Variants in ITPR1 observed in about 807,000 individuals in gnomAD.
ITPR1 encodes the protein inositol 1,4,5-trisphosphate-gated calcium channel ITPR1.
A neutral mutation model predicts 318.4 loss-of-function variants in ITPR1; 96 were observed. The ratio of observed to expected loss-of-function variants is 0.30; its 90% confidence interval spans 0.26 to 0.36. ITPR1 has a LOEUF of 0.36. Among genes scored for constraint, ITPR1 ranks in the 10% least tolerant of loss-of-function variants. ITPR1 has a pLI of 1.00. For synonymous variants in ITPR1, 1,312 were observed against 1,289.9 expected (o/e 1.02, Z -0.37); for missense variants, 2,440 against 3,460.2 (o/e 0.71, Z 7.40).
At chr3:4,609,014 A>C (rs1401032417) in intron 4 of ITPR1, among the ~76,000 whole-genome samples, 11 of 136,008 alleles carry the variant, frequency 8.1e-5, no homozygotes, top group African/African-American at 1.1e-4. Flanking sequence ...AAAAAAAAAA[A>C]AAAAAAAAAA....
At chr3:4,530,852 T>G (rs919783765) in intron 4 of ITPR1, among the ~76,000 whole-genome samples, 2 of 152,142 alleles carry the variant, frequency 1.3e-5, no homozygotes, top group Non-Finnish European at 2.9e-5. Flanking sequence ...ATCTTATTGG[T>G]CTCATTCTCT....
Position 4,766,745 on chromosome 3 carries a change from T to C in ITPR1, c.5725+35T>C, listed in dbSNP as rs530483282. On this transcript the variant is annotated intron_variant, in intron 45 of 61. Transcript: ENST00000649015. The stretch of plus-strand genomic sequence containing the variant: ...CCTCAGTCTTCAGTCAGCTGGATCA[T>C]GAACACCAGAAGAGTCCTTGTTATC... 27 of 1,519,908 alleles carry C rather than the reference T, an allele frequency of 1.8e-5. No homozygotes were observed. In the African/African-American group the frequency reaches 1.8e-4, roughly 10 times the overall value. The allele number at this position is 1,519,908 out of a possible 1,614,324, so 94.2% of individuals were successfully genotyped here. A position where few individuals can be genotyped will look rare whatever the true frequency, so the allele number is the denominator to read the frequency against.
At chr3:4,648,609 A>C (rs1050743926) in intron 10 of ITPR1, among the ~76,000 whole-genome samples, 6 of 152,214 alleles carry the variant, frequency 3.9e-5, no homozygotes, top group Non-Finnish European at 1.5e-5. Flanking sequence ...CAGGAATTCA[A>C]GACCAACCTG....
At chr3:4,841,123 C>A (rs1356829803) in intron 61 of ITPR1, among the ~76,000 whole-genome samples, 1 of 152,222 alleles carries the variant, frequency 6.6e-6, no homozygotes, top group Non-Finnish European at 1.5e-5. Flanking sequence ...GTTCCTTATA[C>A]TGTGCTGGGA....
chr3:4,705,862 T>G (rs186597661), intron 36 of ITPR1, among the ~76,000 whole-genome samples: 6 of 152,316 alleles, frequency 3.9e-5, no homozygotes, highest in Admixed American at 3.3e-4. Context: ...CACACCTCAG[T>G]GACCCTAAGA....
intron 29 of ITPR1, 26 bp from the exon 30 acceptor site, chr3:4,685,043 G>C (rs2094367844): frequency 6.2e-7 from 1 of 1,601,290 alleles, no homozygotes; most frequent in Admixed American, 1.7e-5. Context: ...CTAGTTTTCT[G>C]AGACTGATTT....
chr3:4,706,507 G>C (rs561449346), intron 37 of ITPR1, among the ~76,000 whole-genome samples, 156 bp downstream of exon 37: 3 of 152,338 alleles, frequency 2.0e-5, no homozygotes, highest in African/African-American at 7.2e-5. Context: ...GTAGGGCCAG[G>C]AGTGGGAAGT....
At chr3:4,556,202 C>T (rs1435052157) in intron 4 of ITPR1, among the ~76,000 whole-genome samples, 3 of 152,200 alleles carry the variant, frequency 2.0e-5, no homozygotes, top group African/African-American at 4.8e-5. Context: ...TCCACAGCCT[C>T]TCTCACTAGT....
intron 5 of ITPR1, among the ~76,000 whole-genome samples, chr3:4,639,172 T>C (rs913366873): frequency 2.6e-5 from 4 of 152,116 alleles, no homozygotes; most frequent in Non-Finnish European, 4.4e-5. Flanking sequence ...AAAAAGCATT[T>C]TAAAGAAGGC....
At chr3:4,733,280 A>C (rs1438117190) in intron 43 of ITPR1, 60 bp downstream of exon 43, 9 of 1,580,668 alleles carry the variant, frequency 5.7e-6, no homozygotes, top group Non-Finnish European at 7.8e-6. Flanking sequence ...TGATAGCTGC[A>C]TGTTTCCTCC....
intron 5 of ITPR1, among the ~76,000 whole-genome samples, chr3:4,636,818 T>C (rs188958729): frequency 0.013 from 1,947 of 152,354 alleles, 39 homozygotes; most frequent in African/African-American, 0.043. Flanking sequence ...TTCATATGTC[T>C]TTTGACAAAT....
intron 44 of ITPR1, among the ~76,000 whole-genome samples, chr3:4,762,708 T>C (rs2125366268): frequency 1.3e-5 from 2 of 152,348 alleles, no homozygotes; most frequent in South Asian, 4.1e-4. Context: ...GACCTGGGAC[T>C]CACACCCAGG....
chr3:4,684,425 A>G (rs2094354939), intron 29 of ITPR1, 79 bp downstream of exon 29: 1 of 1,007,672 alleles, frequency 9.9e-7, no homozygotes, highest in African/African-American at 1.6e-5. Flanking sequence ...GTCAAGTTGA[A>G]GGTACACACA....
At chr3:4,794,338 GC>G (rs2047757047) in intron 52 of ITPR1, among the ~76,000 whole-genome samples, 2 of 152,170 alleles carry the variant, frequency 1.3e-5, no homozygotes, top group African/African-American at 4.8e-5. Flanking sequence ...TCTGTCTCTT[GC>G]CCCTTTGTGA....
At chr3:4,795,296 TTATCC>T in intron 53 of ITPR1, 109 bp downstream of exon 53, 2 of 941,286 alleles carry the variant, frequency 2.1e-6, no homozygotes, top group Non-Finnish European at 3.0e-6. Context: ...GGGATCCCAG[TTATCC>T]ACATTCAGAC....
chr3:4,507,023 A>G (rs1016564912), intron 2 of ITPR1, among the ~76,000 whole-genome samples: 16 of 152,166 alleles, frequency 1.1e-4, no homozygotes, highest in African/African-American at 3.4e-4. Context: ...AAAACCAATT[A>G]CACATTAACG....
At chr3:4,814,611 G>GGGGT in intron 58 of ITPR1, 49 bp downstream of exon 58, 2 of 707,946 alleles carry the variant, frequency 2.8e-6, no homozygotes, top group Non-Finnish European at 4.8e-6. Flanking sequence ...GGGTGGGGTG[G>GGGGT]TTGGTGGGAG....
At position 4,656,390 on chromosome 3, in the gene ITPR1, A is replaced by G. The variant is rs147794848; in HGVS notation, c.997-1734A>G. Among the ~76,000 whole-genome samples the G allele has an allele frequency of 8.5e-5, 13 of 152,294 alleles. No homozygotes were observed. In the East Asian group the frequency reaches 2.5e-3, roughly 29 times the overall value. ...GTAATATGCCAGATGGTTCGGAGAG[A>G]ACAAATGTTGCTCAAAGTTCTTACT... On this transcript the variant is annotated intron_variant, in intron 12 of 61. Coordinates refer to ENST00000649015, the MANE Select transcript of ITPR1 (RefSeq NM_001378452.1).
intron 47 of ITPR1, 99 bp from the exon 48 acceptor site, chr3:4,777,165 T>C: frequency 1.5e-6 from 1 of 659,654 alleles, no homozygotes; most frequent in Non-Finnish European, 2.7e-6. Context: ...TTACTGGGAG[T>C]GGTAAGCATT....
Sources: allele counts gnomAD v4.1 joint callset (sites outside exome capture counted in the v4.1 genomes callset), GRCh38; gene constraint gnomAD v4.1.1; transcripts MANE v1.5; gene names NCBI Gene and HGNC (gene_info 2026-07-23, HGNC 2026-07-21).